RBFOX1: variants seen among roughly 807,000 people sequenced by gnomAD.
RBFOX1 encodes RNA binding protein fox-1 homolog 1.
Under a neutral mutation model 57.7 loss-of-function variants are expected in RBFOX1, and 8 were observed. The observed-to-expected ratio is 0.14, with a 90% CI of 0.08 to 0.25. The LOEUF is 0.25. Ranked by LOEUF, RBFOX1 falls within the 10% of genes least tolerant of loss-of-function variation. The pLI is 1.00. For missense variants in RBFOX1, 611 were observed against 548.5 expected, an observed-to-expected ratio of 1.11 and a Z score of -1.14; for synonymous variants, 326 against 222.4, an observed-to-expected ratio of 1.47 and a Z score of -4.15.
intron 3 of RBFOX1, among the ~76,000 whole-genome samples, chr16:5,867,075 A>G (rs2057359155): frequency 6.6e-6 from 1 of 152,158 alleles, no homozygotes; most frequent in African/African-American, 2.4e-5. Context: ...TGTTGAAAAT[A>G]CTAATTATCC....
At chr16:7,235,046 A>T (rs2093700267) in intron 4 of RBFOX1, among the ~76,000 whole-genome samples, 2 of 152,176 alleles carry the variant, frequency 1.3e-5, no homozygotes, top group Non-Finnish European at 2.9e-5. Flanking sequence ...GCTATGGTGG[A>T]ATTCTTCTTA....
rs373392014 is a variant in RBFOX1, at chr16:5,504,335, C to T, written c.258+37081C>T. The stretch of plus-strand genomic sequence containing the variant: ...GGCCTGCCAGGAGCCTGCTGGGCCT[C>T]GGACTTGGCTCTGCAACGCTTGCCC... On this transcript the variant is annotated intron_variant, in intron 2 of 2. Coordinates refer to the RBFOX1 transcript ENST00000585867. 1.8e-3 allele frequency among the ~76,000 whole-genome samples: 268 copies of T among 152,348 alleles called. 1 individual carries two copies. Among genetic ancestry groups the T allele is most frequent in the African/African-American group, 6.1e-3 (255 of 41,578 alleles).
intron 4 of RBFOX1, among the ~76,000 whole-genome samples, chr16:5,956,210 A>G (rs1325815255): frequency 2.0e-5 from 3 of 152,142 alleles, no homozygotes; most frequent in Non-Finnish European, 4.4e-5. Flanking sequence ...CAGGAGGTGG[A>G]GTTTGCAATG....
At position 7,078,611 on chromosome 16, in the gene RBFOX1, G is replaced by A. The variant is rs548391011; in HGVS notation, c.27+26513G>A. Among the ~76,000 whole-genome samples, 13 of 151,778 alleles carry A rather than the reference G, an allele frequency of 8.6e-5. No individual in the cohort carries two copies. The South Asian group carries it at 2.1e-3, about 24-fold the overall frequency. On this transcript the variant is annotated intron_variant, in intron 4 of 15. Coordinates refer to ENST00000550418, the MANE Select transcript of RBFOX1 (RefSeq NM_018723.4). ...GATCCACCCACTTTGGCCTCCTGAT[G>A]TGTTGAGATTACAGGCATGAGCCAC...
At chr16:5,745,780 G>A (rs946356001) in intron 3 of RBFOX1, among the ~76,000 whole-genome samples, 1 of 152,168 alleles carries the variant, frequency 6.6e-6, no homozygotes, top group Admixed American at 6.5e-5. Context: ...CCCACTTTTT[G>A]ATGGGGTTGT....
intron 4 of RBFOX1, among the ~76,000 whole-genome samples, chr16:5,986,166 C>A (rs2060282488): frequency 6.6e-6 from 1 of 151,838 alleles, no homozygotes; most frequent in Admixed American, 6.6e-5. Context: ...CAGGTTCAAG[C>A]CATTCTCCTG....
chr16:6,634,651 T>C (rs1301484764), intron 2 of RBFOX1, among the ~76,000 whole-genome samples: 1 of 145,770 alleles, frequency 6.9e-6, no homozygotes, highest in African/African-American at 2.5e-5. Context: ...CATTATATAA[T>C]ACAAATATAT....
At chr16:5,759,843 G>A (rs1026300354) in intron 3 of RBFOX1, among the ~76,000 whole-genome samples, 1 of 152,064 alleles carries the variant, frequency 6.6e-6, no homozygotes, top group African/African-American at 2.4e-5. Context: ...GTGCAGGGAA[G>A]CCTTTGATAC....
At chr16:6,041,698 C>G (rs971852413) in intron 1 of RBFOX1, among the ~76,000 whole-genome samples, 13 of 152,106 alleles carry the variant, frequency 8.5e-5, no homozygotes, top group African/African-American at 2.9e-4. Flanking sequence ...AAGTCTTAGT[C>G]TAAGGCTTAG....
At chr16:5,971,504 A>G (rs547158565) in intron 4 of RBFOX1, among the ~76,000 whole-genome samples, 6 of 152,314 alleles carry the variant, frequency 3.9e-5, no homozygotes, top group South Asian at 4.1e-4. Context: ...TTTTATTTTT[A>G]TGATACAGAC....
chr16:6,904,598 C>CAAAAAAAAAAAAAAAAAAAAAA (rs2069311907), intron 3 of RBFOX1, among the ~76,000 whole-genome samples: 2 of 45,862 alleles, frequency 4.4e-5, no homozygotes, highest in Admixed American at 7.7e-4. Flanking sequence ...GAGACTCTCT[C>CAAAAAAAAAAAAAAAAAAAAAA]TAAAAAAAAA....
chr16:7,657,766 C>G, intron 12 of RBFOX1, among the ~76,000 whole-genome samples: 1 of 152,120 alleles, frequency 6.6e-6, no homozygotes, highest in Admixed American at 6.6e-5. Flanking sequence ...ATCATTCCTC[C>G]AGGGGTAGGG....
At chr16:7,563,971 C>T (rs1174723079) in intron 5 of RBFOX1, among the ~76,000 whole-genome samples, 1 of 152,092 alleles carries the variant, frequency 6.6e-6, no homozygotes, top group Non-Finnish European at 1.5e-5. Flanking sequence ...GATAACTGAG[C>T]ACCTGATTTC....
At chr16:6,660,201 G>A (rs1319874407) in intron 3 of RBFOX1, among the ~76,000 whole-genome samples, 13 of 150,472 alleles carry the variant, frequency 8.6e-5, no homozygotes, top group East Asian at 2.0e-4. Flanking sequence ...TTCAGCCTGG[G>A]CAATAAGAGT....
At chr16:6,642,894 T>C (rs2098504032) in intron 2 of RBFOX1, among the ~76,000 whole-genome samples, 1 of 152,156 alleles carries the variant, frequency 6.6e-6, no homozygotes, top group Non-Finnish European at 1.5e-5. Context: ...ACTCCCTTGG[T>C]TGAAGTGATT....
At chr16:6,014,783 T>C (rs1189129467), upstream of RBFOX1, among the ~76,000 whole-genome samples, 1 of 152,176 alleles carries the variant, frequency 6.6e-6, no homozygotes, top group Admixed American at 6.5e-5. Context: ...ATTTGAGTAT[T>C]GTATCAACTC....
At chr16:6,558,713 G>T (rs538222689) in intron 2 of RBFOX1, among the ~76,000 whole-genome samples, 1 of 151,924 alleles carries the variant, frequency 6.6e-6, no homozygotes, top group Non-Finnish European at 1.5e-5. Context: ...CCCTCCGTCC[G>T]TCCCACTCTC....
intron 4 of RBFOX1, among the ~76,000 whole-genome samples, chr16:7,226,109 T>C (rs1042021783): frequency 3.3e-5 from 5 of 152,088 alleles, no homozygotes; most frequent in African/African-American, 1.2e-4. Context: ...ACTGAGATCC[T>C]ATCACTTTGT....
intron 4 of RBFOX1, among the ~76,000 whole-genome samples, chr16:7,331,234 C>T (rs904386914): frequency 2.6e-5 from 4 of 152,134 alleles, no homozygotes; most frequent in African/African-American, 9.7e-5. Context: ...TTAGAAAACG[C>T]CAATAGTTGG....
Sources: allele counts gnomAD v4.1 joint callset (sites outside exome capture counted in the v4.1 genomes callset), GRCh38; gene constraint gnomAD v4.1.1; transcripts MANE v1.5; gene names NCBI Gene and HGNC (gene_info 2026-07-23, HGNC 2026-07-21).